Variants in EDARADD observed in about 807,000 individuals in gnomAD.
EDARADD encodes the protein EDAR associated via death domain, also known as ectodysplasin-A receptor-associated adapter protein.
Under a neutral mutation model 25.6 loss-of-function variants are expected in EDARADD, and 20 were observed. The observed-to-expected ratio is 0.78, with a 90% CI of 0.55 to 1.14. The LOEUF is 1.14. Among genes scored for constraint, EDARADD ranks in the 50% most tolerant of loss-of-function variants. EDARADD has a pLI of 0.00. For synonymous variants in EDARADD, 86 were observed against 94.4 expected (o/e 0.91, Z 0.52); for missense variants, 225 against 270.1 (o/e 0.83, Z 1.17).
chr1:236,472,590 G>A (rs540944194), intron 5 of EDARADD, among the ~76,000 whole-genome samples: 35 of 152,232 alleles, frequency 2.3e-4, no homozygotes, highest in East Asian at 1.5e-3. Flanking sequence ...GTGCAGTGGC[G>A]CAATCTCAGC....
intron 4 of EDARADD, among the ~76,000 whole-genome samples, chr1:236,431,212 C>A (rs1658086742): frequency 6.6e-6 from 1 of 152,144 alleles, no homozygotes; most frequent in Admixed American, 6.5e-5. Flanking sequence ...TAATTTAAGA[C>A]TAAAATCTGC....
At position 236,484,596 on chromosome 1, in the gene EDARADD, C is replaced by A; in HGVS notation, c.*1947C>A. 2 of 716,718 alleles carry A rather than the reference C, an allele frequency of 2.8e-6. No homozygotes were observed. The highest frequency in any genetic ancestry group is 1.7e-5 in the South Asian group (1 of 59,320). 44.4% of individuals were successfully genotyped at this position (716,718 alleles called of 1,614,324 possible). A position where few individuals can be genotyped will look rare whatever the true frequency, so the allele number is the denominator to read the frequency against. On this transcript the variant is annotated 3_prime_UTR_variant, in exon 6 of 6. Coordinates refer to ENST00000334232, the MANE Select transcript of EDARADD (RefSeq NM_145861.4). The surrounding 1 kb of genome is among the most constrained non-coding windows in gnomAD (Gnocchi z 4.1). Reference sequence around the variant, plus strand: ...CCGCTGCTAGTTAGCTACCCTTGCCCACCGCCGTGGAGTTCGCACCTCTTC... The same window carrying A: ...CCGCTGCTAGTTAGCTACCCTTGCCAACCGCCGTGGAGTTCGCACCTCTTC...
chr1:236,447,895 G>A (rs913373963), intron 4 of EDARADD, among the ~76,000 whole-genome samples: 2 of 151,660 alleles, frequency 1.3e-5, no homozygotes, highest in African/African-American at 4.8e-5. Flanking sequence ...GAGTGCAAAG[G>A]CGCAATCTCG....
intron 3 of EDARADD, among the ~76,000 whole-genome samples, chr1:236,381,132 G>A (rs2102996027): frequency 6.6e-6 from 1 of 152,218 alleles, no homozygotes; most frequent in Non-Finnish European, 1.5e-5. Context: ...AAATTAGTTT[G>A]TGTTGCAATA....
chr1:236,415,681 A>G (rs527841685), intron 3 of EDARADD, among the ~76,000 whole-genome samples: 1 of 152,228 alleles, frequency 6.6e-6, no homozygotes, highest in African/African-American at 2.4e-5. Context: ...CTGACCTCAG[A>G]TGATCCACCT....
chr1:236,405,741 CTT>C (rs879414586), intron 1 of EDARADD, among the ~76,000 whole-genome samples: 632 of 45,156 alleles, frequency 0.014, 7 homozygotes, highest in African/African-American at 0.046. Flanking sequence ...TTCTTTCTTT[CTT>C]TCTTTCTTTC....
upstream of EDARADD, among the ~76,000 whole-genome samples, chr1:236,393,957 A>C (rs2102999898): frequency 6.6e-6 from 1 of 152,096 alleles, no homozygotes; most frequent in African/African-American, 2.4e-5. Flanking sequence ...CGAGGAAATG[A>C]AAATGAAAGG....
At chr1:236,471,486 C>T (rs564272178) in intron 5 of EDARADD, among the ~76,000 whole-genome samples, 194 of 151,078 alleles carry the variant, frequency 1.3e-3, no homozygotes, top group African/African-American at 4.6e-3. Flanking sequence ...AAAAAAAAAG[C>T]ATGATTATAC....
intron 3 of EDARADD, among the ~76,000 whole-genome samples, chr1:236,425,283 C>A (rs1277360847): frequency 1.3e-5 from 2 of 152,224 alleles, no homozygotes; most frequent in East Asian, 3.8e-4. Context: ...TCTTCATTAG[C>A]ACCTGGGCCA....
intron 3 of EDARADD, among the ~76,000 whole-genome samples, chr1:236,382,591 T>C (rs1408507200): frequency 1.3e-5 from 2 of 152,226 alleles, no homozygotes; most frequent in African/African-American, 4.8e-5. Flanking sequence ...ATACCTCCTC[T>C]TTAGCTTTGT....
At chr1:236,454,404 C>T (rs1468735050) in intron 4 of EDARADD, among the ~76,000 whole-genome samples, 1 of 152,288 alleles carries the variant, frequency 6.6e-6, no homozygotes, top group East Asian at 1.9e-4. Context: ...TCACACACCG[C>T]CTGCACCTTC....
At chr1:236,406,486 C>T (rs535366183) in intron 1 of EDARADD, among the ~76,000 whole-genome samples, 3 of 152,206 alleles carry the variant, frequency 2.0e-5, no homozygotes, top group Non-Finnish European at 4.4e-5. Context: ...CTGTTTGGTA[C>T]AGCCCATTGC....
intron 4 of EDARADD, among the ~76,000 whole-genome samples, chr1:236,460,995 TATTTTTAGTAAAG>T (rs763616652): frequency 1.3e-5 from 2 of 151,950 alleles, no homozygotes; most frequent in Non-Finnish European, 2.9e-5. Context: ...CTAATTTTTG[TATTTTTAGTAAAG>T]ACGGGGTTTC....
chr1:236,375,193 TAAC>T (rs1364804539), intron 3 of EDARADD, among the ~76,000 whole-genome samples: 1 of 152,122 alleles, frequency 6.6e-6, no homozygotes, highest in Non-Finnish European at 1.5e-5. Flanking sequence ...GTACCTATAA[TAAC>T]AAAATAATCC....
chr1:236,462,656 C>A (rs1380908675), intron 4 of EDARADD, among the ~76,000 whole-genome samples: 1 of 152,118 alleles, frequency 6.6e-6, no homozygotes, highest in Non-Finnish European at 1.5e-5. Flanking sequence ...GCTTTCAGCT[C>A]CCTGAGCAGA....
chr1:236,457,296 A>C lies in EDARADD; in HGVS notation c.220-10935A>C, dbSNP rs191382314. Among the ~76,000 whole-genome samples, 535 of 152,198 alleles carry C rather than the reference A, an allele frequency of 3.5e-3. 8 individuals carry two copies. Among genetic ancestry groups the C allele is most frequent in the Admixed American group, 0.024 (368 of 15,278 alleles). ...TTTGGGAGGCTGGGGCAGGCAGATC[A>C]CTTGAGCCCAGGAGTTTGAGACCAG... is the stretch of plus-strand genomic sequence containing the variant. On this transcript the variant is annotated intron_variant, in intron 4 of 5. Coordinates refer to ENST00000334232, the MANE Select transcript of EDARADD (RefSeq NM_145861.4).
At chr1:236,361,635 T>TTATATATATATATATATATATATATATA (rs146661697) in intron 3 of EDARADD, among the ~76,000 whole-genome samples, 1,621 of 133,618 alleles carry the variant, frequency 0.012, 29 homozygotes, top group Non-Finnish European at 0.015. Flanking sequence ...CAGCCAAATT[T>TTATATATATATATATATATATATATATA]TATATATATA....
At chr1:236,466,440 A>ACACAC (rs1553270444) in intron 4 of EDARADD, among the ~76,000 whole-genome samples, 16,323 of 124,358 alleles carry the variant, frequency 0.13, 1,035 homozygotes, top group East Asian at 0.31. Context: ...CTCTCTGATA[A>ACACAC]ACACACACAC....
Position 236,405,874 on chromosome 1 carries a change from C to CTTTCTTTCT in EDARADD, c.62-3340_62-3339insTCTTTCTTT, listed in dbSNP as rs1370860313. On this transcript the variant is annotated intron_variant, in intron 1 of 5. Coordinates refer to ENST00000334232, the MANE Select transcript of EDARADD (RefSeq NM_145861.4). ...CCTTCCTTCCTTCCTTCCTTCCTTCCTTCTTTCTTTCTTTCTTTCTTTCTT... is the reference window on the plus strand; with the variant it reads ...CCTTCCTTCCTTCCTTCCTTCCTTCCTTTCTTTCTTTCTTTCTTTCTTTCTTTCTTTCTT... Among the ~76,000 whole-genome samples, 20 of 30,912 alleles carry CTTTCTTTCT rather than the reference C, an allele frequency of 6.5e-4. 1 individual carries two copies. The highest frequency in any genetic ancestry group is 2.3e-3 in the Admixed American group (5 of 2,138). The allele number at this position is 30,912 out of a possible 152,430, so 20.3% of individuals were successfully genotyped here. A position where few individuals can be genotyped will look rare whatever the true frequency, so the allele number is the denominator to read the frequency against.
Sources: gnomAD v4.1 joint callset for allele counts (sites outside exome capture counted in the v4.1 genomes callset) on GRCh38, gnomAD v4.1.1 for gene constraint, Gnocchi (gnomAD v3.1) non-coding constraint, MANE v1.5 for transcripts, NCBI Gene and HGNC (gene_info 2026-07-23, HGNC 2026-07-21) for gene names.